The following GALNTL6 variants were observed in gnomAD, a reference collection of about 807,000 sequenced individuals.
The protein encoded by GALNTL6 is polypeptide N-acetylgalactosaminyltransferase-like 6.
Under a neutral mutation model 73.7 loss-of-function variants are expected in GALNTL6, and 46 were observed. That is an observed-to-expected ratio of 0.62 (90% CI 0.49 to 0.80). GALNTL6 has a LOEUF of 0.80. GALNTL6 is among the 30% of genes least tolerant of loss of function. The pLI is 0.00. For missense variants in GALNTL6, 604 were observed against 755.0 expected (o/e 0.80, Z 2.34); for synonymous variants, 259 against 263.7 (o/e 0.98, Z 0.17).
intron 5 of GALNTL6, among the ~76,000 whole-genome samples, chr4:172,756,415 G>A (rs1396497475): frequency 1.3e-5 from 2 of 148,786 alleles, no homozygotes; most frequent in Admixed American, 1.3e-4. Context: ...AGGCTGAGGC[G>A]GGCAGATCAT....
intron 2 of GALNTL6, among the ~76,000 whole-genome samples, chr4:172,177,776 T>C (rs1246602032): frequency 3.9e-5 from 3 of 77,382 alleles, no homozygotes; most frequent in South Asian, 5.3e-4. Context: ...TATGTACACA[T>C]ATATACACAT....
At chr4:172,521,625 A>T (rs1407707746) in intron 5 of GALNTL6, among the ~76,000 whole-genome samples, 1 of 152,186 alleles carries the variant, frequency 6.6e-6, no homozygotes, top group African/African-American at 2.4e-5. Context: ...ATGTCACTTC[A>T]GGATAATATC....
At chr4:172,568,789 A>T (rs1473358157) in intron 5 of GALNTL6, among the ~76,000 whole-genome samples, 3 of 150,742 alleles carry the variant, frequency 2.0e-5, no homozygotes, top group African/African-American at 2.4e-5. Flanking sequence ...AGTAACAAAG[A>T]TGAACATCTA....
intron 2 of GALNTL6, among the ~76,000 whole-genome samples, chr4:171,883,223 C>T (rs1560825404): frequency 6.6e-6 from 1 of 151,908 alleles, no homozygotes; most frequent in African/African-American, 2.4e-5. Context: ...CATGGTGGCG[C>T]ACCCTGTAAT....
chr4:172,223,519 G>C (rs1424556799), intron 2 of GALNTL6, among the ~76,000 whole-genome samples: 2 of 152,056 alleles, frequency 1.3e-5, no homozygotes, highest in Non-Finnish European at 2.9e-5. Context: ...TCAGTGCATA[G>C]AGTTCAGAGA....
chr4:172,438,318 G>C (rs1200978829), intron 5 of GALNTL6, among the ~76,000 whole-genome samples: 1 of 151,870 alleles, frequency 6.6e-6, no homozygotes, highest in Non-Finnish European at 1.5e-5. Context: ...GTCATTTTCT[G>C]TAACTGCAAA....
chr4:172,964,425 C>T (rs1203092624), intron 10 of GALNTL6, among the ~76,000 whole-genome samples: 2 of 152,246 alleles, frequency 1.3e-5, no homozygotes, highest in African/African-American at 4.8e-5. Flanking sequence ...TTACTGTCCT[C>T]AATGTGCCAA....
intron 5 of GALNTL6, among the ~76,000 whole-genome samples, chr4:172,404,426 T>C (rs1744141171): frequency 6.6e-6 from 1 of 152,060 alleles, no homozygotes; most frequent in Admixed American, 6.6e-5. Context: ...TTAACCTAAT[T>C]TGAATCTTAC....
chr4:172,706,123 G>A (rs1016435534), intron 5 of GALNTL6, among the ~76,000 whole-genome samples: 2 of 151,730 alleles, frequency 1.3e-5, no homozygotes, highest in African/African-American at 4.8e-5. Context: ...CTCTTTTTAG[G>A]CTATCCTCTA....
intron 2 of GALNTL6, among the ~76,000 whole-genome samples, chr4:172,228,999 C>T (rs138627296): frequency 1.8e-3 from 278 of 152,280 alleles, no homozygotes; most frequent in African/African-American, 6.1e-3. Context: ...AGATGAGAGA[C>T]AGTATTTAAT....
intron 2 of GALNTL6, among the ~76,000 whole-genome samples, chr4:172,111,927 T>C (rs1732863096): frequency 1.3e-5 from 2 of 152,040 alleles, no homozygotes; most frequent in African/African-American, 4.8e-5. Context: ...TAACACATTA[T>C]GATCAATCAA....
intron 2 of GALNTL6, among the ~76,000 whole-genome samples, chr4:171,968,516 C>T (rs1472525045): frequency 2.0e-5 from 3 of 152,170 alleles, no homozygotes; most frequent in Non-Finnish European, 4.4e-5. Flanking sequence ...AGATTTAGGG[C>T]TTACACTAAT....
At chr4:172,486,402 C>A (rs1476648137) in intron 5 of GALNTL6, among the ~76,000 whole-genome samples, 1 of 152,134 alleles carries the variant, frequency 6.6e-6, no homozygotes, top group Non-Finnish European at 1.5e-5. Context: ...AAACTGTTGG[C>A]TGAAATATGT....
intron 5 of GALNTL6, among the ~76,000 whole-genome samples, chr4:172,734,652 G>C (rs1382544030): frequency 6.6e-6 from 1 of 152,158 alleles, no homozygotes; most frequent in Non-Finnish European, 1.5e-5. Context: ...GCACCTCCTG[G>C]TTGCTTTCAT....
intron 2 of GALNTL6, among the ~76,000 whole-genome samples, chr4:172,028,510 A>C (rs959926961): frequency 6.6e-6 from 1 of 152,078 alleles, no homozygotes; most frequent in African/African-American, 2.4e-5. Flanking sequence ...GGATTCCTAC[A>C]CAAAAGAAAT....
chr4:172,541,037 A>G (rs937265559), intron 5 of GALNTL6, among the ~76,000 whole-genome samples: 2 of 152,212 alleles, frequency 1.3e-5, no homozygotes, highest in Admixed American at 1.3e-4. Flanking sequence ...TTGCAGGGTC[A>G]TTTCAAAATC....
At chr4:172,700,356 A>G (rs1310855685) in intron 5 of GALNTL6, among the ~76,000 whole-genome samples, 1 of 152,166 alleles carries the variant, frequency 6.6e-6, no homozygotes, top group Non-Finnish European at 1.5e-5. Context: ...AACAACATGA[A>G]GGAATGTTGA....
chr4:171,876,947 A>C (rs1369891190), intron 2 of GALNTL6, among the ~76,000 whole-genome samples: 1 of 152,160 alleles, frequency 6.6e-6, no homozygotes, highest in Admixed American at 6.5e-5. Context: ...TGATGTTGGA[A>C]TGCTCTAGTC....
chr4:172,898,116 A>C (rs923078552), intron 8 of GALNTL6, among the ~76,000 whole-genome samples: 142 of 152,270 alleles, frequency 9.3e-4, no homozygotes, highest in African/African-American at 3.2e-3. Flanking sequence ...AGTAGGCCAG[A>C]TTTTGATCTT....
Sources: allele counts gnomAD v4.1 joint callset (sites outside exome capture counted in the v4.1 genomes callset), GRCh38; gene constraint gnomAD v4.1.1; transcripts MANE v1.5; gene names NCBI Gene and HGNC (gene_info 2026-07-23, HGNC 2026-07-21).